Variants in PCDHGA8 observed in about 807,000 individuals in gnomAD.
The protein encoded by PCDHGA8 is protocadherin gamma subfamily A, 8, also known as protocadherin gamma-A8.
A neutral mutation model predicts 59.2 loss-of-function variants in PCDHGA8; 45 were observed. That is an observed-to-expected ratio of 0.76 (90% CI 0.60 to 0.98). The LOEUF is 0.98. Among genes scored for constraint, PCDHGA8 ranks in the 50% least tolerant of loss-of-function variants. PCDHGA8 has a pLI of 0.00. For synonymous variants in PCDHGA8, 531 were observed against 519.0 expected, an observed-to-expected ratio of 1.02 and a Z score of -0.32; for missense variants, 1,257 against 1,196.2, an observed-to-expected ratio of 1.05 and a Z score of -0.75.
At chr5:141,483,854 T>C (rs2154580004) in intron 1 of PCDHGA8, among the ~76,000 whole-genome samples, 1 of 152,236 alleles carries the variant, frequency 6.6e-6, no homozygotes, top group South Asian at 2.1e-4. Flanking sequence ...ATTAAGAAAT[T>C]TCATGTCCAG....
intron 1 of PCDHGA8, chr5:141,409,997 G>C: frequency 1.2e-6 from 2 of 1,613,224 alleles, no homozygotes; most frequent in South Asian, 2.2e-5. Context: ...CGCCGACTCG[G>C]GACACAACGC....
At position 141,490,181 on chromosome 5, in the gene PCDHGA8, G is replaced by A. The variant is rs755899660; in HGVS notation, c.2425-4626G>A. ...GGTCCCATAGACTTTGAGGAGTCACGTTTCTATGAAATTCATGCAAGAGCC... is the reference window on the plus strand; with the variant it reads ...GGTCCCATAGACTTTGAGGAGTCACATTTCTATGAAATTCATGCAAGAGCC... On this transcript the variant is annotated intron_variant, in intron 1 of 3. Coordinates refer to ENST00000398604, the MANE Select transcript of PCDHGA8 (RefSeq NM_032088.2). This position sits in a 1 kb window ranked among gnomAD's most constrained non-coding sequence, Gnocchi z 5.4. The A allele has an allele frequency of 9.9e-6, 16 of 1,614,200 alleles. No homozygotes were observed. Among genetic ancestry groups the A allele is most frequent in the Middle Eastern group, 1.6e-4 (1 of 6,062 alleles).
Position 141,489,764 on chromosome 5 carries a change from A to G in PCDHGA8, c.2425-5043A>G. ...GTGAGCTTTTACACTCTAAGCCCCA[A>G]CAGCCACTTCTCTCTGAATGTGAAG... is the stretch of plus-strand genomic sequence containing the variant. On this transcript the variant is annotated intron_variant, in intron 1 of 3. Transcript: ENST00000398604. The surrounding 1 kb of genome is among the most constrained non-coding windows in gnomAD (Gnocchi z 4.5). 2 of 1,613,556 alleles carry G rather than the reference A, an allele frequency of 1.2e-6. No homozygotes were observed. The highest frequency in any genetic ancestry group is 1.7e-6 in the Non-Finnish European group (2 of 1,179,894).
chr5:141,417,963 A>T (rs1260025037), intron 1 of PCDHGA8: 1 of 1,613,258 alleles, frequency 6.2e-7, no homozygotes, highest in Non-Finnish European at 8.5e-7. Flanking sequence ...CCGATCCGCT[A>T]CTCGATTCCG....
chr5:141,476,230 G>A lies in PCDHGA8; in HGVS notation c.2425-18577G>A, dbSNP rs906283645. On this transcript the variant is annotated intron_variant, in intron 1 of 3. Coordinates refer to ENST00000398604, the MANE Select transcript of PCDHGA8 (RefSeq NM_032088.2). This position sits in a 1 kb window ranked among gnomAD's most constrained non-coding sequence, Gnocchi z 7.6. Reference sequence around the variant, plus strand: ...CCACGGTCATTCACTATGAGATCCCGGAGGAAAGAGAGAAGGGTTTCGCTG... The same window carrying A: ...CCACGGTCATTCACTATGAGATCCCAGAGGAAAGAGAGAAGGGTTTCGCTG... The A allele has an allele frequency of 1.2e-6, 2 of 1,614,040 alleles. No homozygotes were observed. Among genetic ancestry groups the A allele is most frequent in the Non-Finnish European group, 1.7e-6 (2 of 1,180,024 alleles).
At chr5:141,433,202 T>C (rs1433315739) in intron 1 of PCDHGA8, 2 of 1,578,202 alleles carry the variant, frequency 1.3e-6, no homozygotes, top group Non-Finnish European at 1.7e-6. Context: ...ATATCAAATC[T>C]TCTTTCTTTT....
intron 1 of PCDHGA8, among the ~76,000 whole-genome samples, chr5:141,461,805 C>T (rs773854105): frequency 4.6e-5 from 7 of 151,854 alleles, no homozygotes; most frequent in Non-Finnish European, 8.8e-5. Flanking sequence ...AGGTGCCCAC[C>T]ACCACACCCA....
chr5:141,478,851 C>T, intron 1 of PCDHGA8: 1 of 1,374,810 alleles, frequency 7.3e-7, no homozygotes, highest in Non-Finnish European at 9.6e-7. Context: ...AGCTAAAACA[C>T]AAGATCTCAG....
rs146615755 is a variant in PCDHGA8 at position 141,486,022 on chromosome 5, T to C, written c.2425-8785T>C. The C allele has an allele frequency of 1.2e-6, 2 of 1,614,030 alleles. No homozygotes were observed. Among genetic ancestry groups the C allele is most frequent in the Non-Finnish European group, 1.7e-6 (2 of 1,180,036 alleles). Reference sequence around the variant, plus strand: ...GTAACGTCACCTTTTATTTCAGTGGTCATACCCCTGATCGTGTAAGAAACC... The same window carrying C: ...GTAACGTCACCTTTTATTTCAGTGGCCATACCCCTGATCGTGTAAGAAACC... On this transcript the variant is annotated intron_variant, in intron 1 of 3. Coordinates refer to ENST00000398604, the MANE Select transcript of PCDHGA8 (RefSeq NM_032088.2). The surrounding 1 kb of genome is among the most constrained non-coding windows in gnomAD (Gnocchi z 5.0).
chr5:141,392,877 A>T lies in PCDHGA8; in HGVS notation c.64A>T (p.Thr22Ser). ...ELILLCALLG[T>S]LWEIGRGQIR... is the part of the protein sequence containing the mutation. ...GATCCTGCTGTGCGCGCTGCTGGGA[A>T]CGCTGTGGGAAATCGGGAGGGGACA... Residue 22 changes from threonine (T) to serine (S), a missense_variant, in exon 1 of 4, where the codon ACG becomes TCG. Thr to Ser is a moderately conservative substitution (Grantham distance 58). Coordinates refer to ENST00000398604, the MANE Select transcript of PCDHGA8 (RefSeq NM_032088.2). The T allele has an allele frequency of 6.2e-7, 1 of 1,613,506 alleles. No individual in the cohort carries two copies. The highest frequency in any genetic ancestry group is 8.5e-7 in the Non-Finnish European group (1 of 1,179,818).
At chr5:141,421,044 C>T (rs556562994) in intron 1 of PCDHGA8, 3 of 548,494 alleles carry the variant, frequency 5.5e-6, no homozygotes, top group African/African-American at 1.9e-5. Context: ...CTCCCTCCCC[C>T]GCCTCTACCA....
chr5:141,427,138 A>G (rs1397576025), intron 1 of PCDHGA8: 1 of 456,954 alleles, frequency 2.2e-6, no homozygotes, highest in Non-Finnish European at 4.4e-6. Context: ...CTACGAGATG[A>G]TATTGGAAAT....
chr5:141,466,819 C>A (rs2099130454), intron 1 of PCDHGA8, among the ~76,000 whole-genome samples: 1 of 152,068 alleles, frequency 6.6e-6, no homozygotes, highest in Non-Finnish European at 1.5e-5. Context: ...CATGGTATAA[C>A]AAGTTAGTAT....
chr5:141,454,281 A>C (rs1048947689), intron 1 of PCDHGA8, among the ~76,000 whole-genome samples: 2 of 152,242 alleles, frequency 1.3e-5, no homozygotes, highest in African/African-American at 4.8e-5. Context: ...AAAACTTCAC[A>C]TTAAAGGAAC....
At position 141,405,002 on chromosome 5, in the gene PCDHGA8, C is replaced by T. The variant is rs2154535993; in HGVS notation, c.2424+9765C>T. ...GGGCAGTCTTCAGATCCCTGCAGAC[C>T]TGGAGGCCTCAGACCTTACCCTCTA... is the stretch of plus-strand genomic sequence containing the variant. On this transcript the variant is annotated intron_variant, in intron 1 of 3. Transcript: ENST00000398604. The T allele has an allele frequency of 1.9e-6, 3 of 1,613,870 alleles. No homozygotes were observed. In the East Asian group the frequency reaches 6.7e-5, roughly 36 times the overall value.
At chr5:141,464,044 C>T (rs898632465) in intron 1 of PCDHGA8, among the ~76,000 whole-genome samples, 1 of 152,086 alleles carries the variant, frequency 6.6e-6, no homozygotes, top group African/African-American at 2.4e-5. Context: ...GCGGGTGGAT[C>T]ACCTGAGGTC....
chr5:141,485,539 G>C lies in PCDHGA8; in HGVS notation c.2425-9268G>C, dbSNP rs370323886. The C allele has an allele frequency of 9.9e-6, 16 of 1,613,986 alleles. No homozygotes were observed. In the African/African-American group the frequency reaches 2.0e-4, roughly 20 times the overall value. On this transcript the variant is annotated intron_variant, in intron 1 of 3. Transcript: ENST00000398604. This position sits in a 1 kb window ranked among gnomAD's most constrained non-coding sequence, Gnocchi z 5.7. ...TGGAAATGTACCGAGCAGAGGTAGA[G>C]ATCGTAGATGTGAATGATCACGCCC... is the stretch of plus-strand genomic sequence containing the variant.
chr5:141,435,990 T>C (rs1175877769), intron 1 of PCDHGA8, among the ~76,000 whole-genome samples: 1 of 152,162 alleles, frequency 6.6e-6, no homozygotes, highest in Non-Finnish European at 1.5e-5. Flanking sequence ...TTGTGTGATT[T>C]TTTGAAAGAA....
rs1408248560 is a variant in PCDHGA8 at position 141,475,829 on chromosome 5, G to C, written c.2425-18978G>C. On this transcript the variant is annotated intron_variant, in intron 1 of 3. Coordinates refer to ENST00000398604, the MANE Select transcript of PCDHGA8 (RefSeq NM_032088.2). ...AAAGTGAAGTTCCTGGCGCTAGCGC[G>C]TGTCCTGCTCAGAGAGCCCGGCGCT... The C allele has an allele frequency of 1.0e-5, 4 of 386,748 alleles. No individual in the cohort carries two copies. In the South Asian group the frequency reaches 1.4e-4, roughly 14 times the overall value. The allele number at this position is 386,748 out of a possible 1,614,324, so 24.0% of individuals were successfully genotyped here. A position where few individuals can be genotyped will look rare whatever the true frequency, so the allele number is the denominator to read the frequency against.
Sources: gnomAD v4.1 joint callset for allele counts (sites outside exome capture counted in the v4.1 genomes callset) on GRCh38, gnomAD v4.1.1 for gene constraint, Gnocchi (gnomAD v3.1) non-coding constraint, MANE v1.5 for transcripts, NCBI Gene and HGNC (gene_info 2026-07-23, HGNC 2026-07-21) for gene names.